KRT72: variants seen among roughly 807,000 people sequenced by gnomAD.
The protein encoded by KRT72 is keratin 72, also known as keratin, type II cytoskeletal 72.
In KRT72, 44 loss-of-function variants were observed where a neutral mutation model predicts 44.7. The observed-to-expected ratio is 0.98, with a 90% CI of 0.77 to 1.27. KRT72 has a LOEUF of 1.27. Ranked by LOEUF, KRT72 falls within the 50% of genes most tolerant of loss-of-function variation. The probability of loss-of-function intolerance (pLI) is 0.00; values close to 1 mark genes in which losing one functional copy is unlikely to be tolerated. For synonymous variants in KRT72, 302 were observed against 280.4 expected (o/e 1.08, Z -0.77); for missense variants, 736 against 667.1 (o/e 1.10, Z -1.14).
At chr12:52,589,747 T>C (rs1939924216) in intron 6 of KRT72, among the ~76,000 whole-genome samples, 1 of 152,098 alleles carries the variant, frequency 6.6e-6, no homozygotes, top group African/African-American at 2.4e-5. Flanking sequence ...GGGATCCCCA[T>C]TTGTTCCCCG....
Position 52,587,634 on chromosome 12 carries a change from C to T in KRT72, c.1307G>A (p.Cys436Tyr), listed in dbSNP as rs761584332. 7.4e-6 allele frequency: 12 copies of T among 1,614,202 alleles called. No homozygotes were observed. Among genetic ancestry groups the T allele is most frequent in the Non-Finnish European group, 1.0e-5 (12 of 1,180,040 alleles). ...ACAAGGGTATCCGGCCCCTCACCTG[C>T]ACTCCTCGCTCTCCAGCAGCTTGCG... ...TYRKLLESEE[C>Y]RMSGEYPNSV... The change falls in exon 7 of 9, where the codon TGC (cysteine) becomes TAC (tyrosine). Residue 436 changes from cysteine to tyrosine, a missense_variant. Coordinates refer to ENST00000293745, the MANE Select transcript of KRT72 (RefSeq NM_080747.3).
At chr12:52,587,062 T>G (rs1329174017) in intron 7 of KRT72, 82 bp from the exon 8 acceptor site, 3 of 1,328,610 alleles carry the variant, frequency 2.3e-6, no homozygotes, top group Non-Finnish European at 3.3e-6. Context: ...TGAATAAGCC[T>G]CTCCACGCAG....
At chr12:52,594,397 G>T (rs112724050) in intron 2 of KRT72, among the ~76,000 whole-genome samples, 1 of 151,308 alleles carries the variant, frequency 6.6e-6, no homozygotes, top group African/African-American at 2.4e-5. Context: ...AAGAAAATGC[G>T]GCACATCTAC....
At chr12:52,601,997 A>G (rs1241571546), upstream of KRT72, among the ~76,000 whole-genome samples, 3 of 152,226 alleles carry the variant, frequency 2.0e-5, no homozygotes, top group Non-Finnish European at 4.4e-5. Flanking sequence ...TTGTGCAAGA[A>G]GGAAGTTCAG....
chr12:52,586,861 G>T, intron 8 of KRT72, 85 bp downstream of exon 8: 1 of 1,319,570 alleles, frequency 7.6e-7, no homozygotes, highest in Non-Finnish European at 1.1e-6. Context: ...CTGTCATTCT[G>T]ATTTCTCTTT....
chr12:52,591,397 C>T, intron 5 of KRT72, 67 bp downstream of exon 5: 1 of 1,509,794 alleles, frequency 6.6e-7, no homozygotes, highest in African/African-American at 1.4e-5. Context: ...CACACGTACA[C>T]ATGCACACAT....
chr12:52,596,978 T>C (rs966782127), intron 2 of KRT72, among the ~76,000 whole-genome samples: 5 of 152,262 alleles, frequency 3.3e-5, no homozygotes, highest in African/African-American at 9.6e-5. Flanking sequence ...AGGAAAAGGA[T>C]CAAGGTAAAA....
chr12:52,587,381 C>T (rs549800936), intron 7 of KRT72, among the ~76,000 whole-genome samples: 1 of 152,156 alleles, frequency 6.6e-6, no homozygotes, highest in Non-Finnish European at 1.5e-5. Context: ...AAAAATGCAC[C>T]ATGAACGGTC....
rs61747192 is a variant in KRT72 at position 52,601,171 on chromosome 12, G to T, written c.282C>A (p.Pro94=). The T allele has an allele frequency of 1.2e-6, 2 of 1,613,114 alleles. No individual in the cohort carries two copies. Among genetic ancestry groups the T allele is most frequent in the East Asian group, 2.2e-5 (1 of 44,804 alleles). Residue 94 remains proline (P), a synonymous_variant, in exon 1 of 9, where the codon CCC becomes CCA. Transcript: ENST00000293745. ...TGACGGTGACCTGAGGGATGCCCCCGGGTGGGCACACGGAGGGACACTTGG... is the reference window on the plus strand; with the variant it reads ...TGACGGTGACCTGAGGGATGCCCCCTGGTGGGCACACGGAGGGACACTTGG... The part of the protein sequence containing the change: ...LGPKCPSVCP[P]GGIPQVTVNK...
upstream of KRT72, chr12:52,601,549 G>A: frequency 8.1e-7 from 1 of 1,241,712 alleles, no homozygotes; most frequent in Non-Finnish European, 1.1e-6. Flanking sequence ...AGCCTGGCTG[G>A]CTGGAGTCAG....
chr12:52,585,766 A>G lies in KRT72; in HGVS notation c.*216T>C, dbSNP rs1167898172. On this transcript the variant is annotated 3_prime_UTR_variant, in exon 9 of 9. Coordinates refer to ENST00000293745, the MANE Select transcript of KRT72 (RefSeq NM_080747.3). ...TCTTTGCATTTCAGGCAATGACCCAACGAAACGGGACCAAGAAGGAGGCCA... is the reference window on the plus strand; with the variant it reads ...TCTTTGCATTTCAGGCAATGACCCAGCGAAACGGGACCAAGAAGGAGGCCA... The G allele has an allele frequency of 1.1e-5, 6 of 539,446 alleles. No individual in the cohort carries two copies. The highest frequency in any genetic ancestry group is 5.7e-5 in the African/African-American group (3 of 52,670). 33.4% of individuals were successfully genotyped at this position (539,446 alleles called of 1,614,324 possible). A position where few individuals can be genotyped will look rare whatever the true frequency, so the allele number is the denominator to read the frequency against.
At position 52,601,390 on chromosome 12, in the gene KRT72, C is replaced by T; in HGVS notation, c.63G>A (p.Ala21=). Residue 21 remains alanine, a synonymous_variant, in exon 1 of 9, where the codon GCG becomes GCA. Transcript: ENST00000293745. ...TGCTGCCGATCCCGCCAGAGAGGAC[C>T]GCGGAGCAACCGCTGAAGCCCAGGC... The part of the protein sequence containing the change: ...GERLGFSGCS[A]VLSGGIGSSS... 1.3e-6 allele frequency: 2 copies of T among 1,542,238 alleles called. No individual in the cohort carries two copies. The highest frequency in any genetic ancestry group is 1.7e-6 in the Non-Finnish European group (2 of 1,147,060).
chr12:52,600,920 G>C, intron 1 of KRT72, 107 bp downstream of exon 1: 1 of 1,198,564 alleles, frequency 8.3e-7, no homozygotes, highest in Non-Finnish European at 1.2e-6. Context: ...GGGAGGCTCG[G>C]AGAGGTTATG....
At chr12:52,587,069 G>T in intron 7 of KRT72, 89 bp from the exon 8 acceptor site, 1 of 1,238,080 alleles carries the variant, frequency 8.1e-7, no homozygotes, top group Non-Finnish European at 1.2e-6. Flanking sequence ...GCCTCTCCAC[G>T]CAGAATGTGC....
At position 52,599,002 on chromosome 12, in the gene KRT72, G is replaced by A; in HGVS notation, c.537C>T (p.Tyr179=). ...RKNLEPIYEG[Y]ISNLQKQLEM... Reference sequence around the variant, plus strand: ...CCAGCTGCTTCTGCAGGTTGCTGATGTAGCCCTCATAAATGGGCTCCAGGT... The same window carrying A: ...CCAGCTGCTTCTGCAGGTTGCTGATATAGCCCTCATAAATGGGCTCCAGGT... Residue 179 remains tyrosine (Y), a synonymous_variant, in exon 2 of 9, where the codon TAC becomes TAT. Coordinates refer to ENST00000293745, the MANE Select transcript of KRT72 (RefSeq NM_080747.3). 1 of 1,614,058 alleles carries A rather than the reference G, an allele frequency of 6.2e-7. No individual in the cohort carries two copies. Among genetic ancestry groups the A allele is most frequent in the South Asian group, 1.1e-5 (1 of 91,070 alleles).
At position 52,587,175 on chromosome 12, in the gene KRT72, G is replaced by A. The variant is rs146689577; in HGVS notation, c.1311-195C>T. Among the ~76,000 whole-genome samples the A allele has an allele frequency of 3.0e-3, 450 of 152,132 alleles. 2 individuals are homozygous for A. The highest frequency in any genetic ancestry group is 0.01 in the African/African-American group (435 of 41,488). ...CTGAGATGAAAATCTGCTGCAAGGA[G>A]TCAGCCCTCCATCAAGACCCTTTAG... On this transcript the variant is annotated intron_variant, in intron 7 of 8. Coordinates refer to ENST00000293745, the MANE Select transcript of KRT72 (RefSeq NM_080747.3).
intron 2 of KRT72, among the ~76,000 whole-genome samples, chr12:52,598,181 G>C (rs933114695): frequency 1.3e-5 from 2 of 152,208 alleles, no homozygotes; most frequent in Non-Finnish European, 2.9e-5. Context: ...CCTTCCTTAG[G>C]TTCTCCATGC....
chr12:52,599,037 A>G lies in KRT72; in HGVS notation c.502T>C (p.Cys168Arg), dbSNP rs1200812672. The G allele has an allele frequency of 3.7e-6, 6 of 1,613,886 alleles. No homozygotes were observed. In the African/African-American group the frequency reaches 8.0e-5, roughly 22 times the overall value. ...NLLQQLDLNN[C>R]RKNLEPIYEG... ...TAAATGGGCTCCAGGTTCTTCCTGCAGTTGTTCAAGTCCAGCTGCTGTAGG... is the reference window on the plus strand; with the variant it reads ...TAAATGGGCTCCAGGTTCTTCCTGCGGTTGTTCAAGTCCAGCTGCTGTAGG... The change falls in exon 2 of 9, where the codon TGC becomes CGC. Residue 168 changes from cysteine to arginine, a missense_variant. Transcript: ENST00000293745.
At chr12:52,588,925 A>G (rs2120727390) in intron 6 of KRT72, among the ~76,000 whole-genome samples, 1 of 152,190 alleles carries the variant, frequency 6.6e-6, no homozygotes, top group East Asian at 1.9e-4. Context: ...ACTTGAACCC[A>G]GGAGACAGAG....
Sources: gnomAD v4.1 joint callset for allele counts (sites outside exome capture counted in the v4.1 genomes callset) on GRCh38, gnomAD v4.1.1 for gene constraint, MANE v1.5 for transcripts, NCBI Gene and HGNC (gene_info 2026-07-23, HGNC 2026-07-21) for gene names.